Variants in BIRC2 observed in about 807,000 individuals in gnomAD.
The protein encoded by BIRC2 is baculoviral IAP repeat-containing protein 2.
In BIRC2, 18 loss-of-function variants were observed where a neutral mutation model predicts 60.9. That is an observed-to-expected ratio of 0.30 (90% CI 0.20 to 0.44). The LOEUF is 0.44. Ranked by LOEUF, BIRC2 falls within the 20% of genes least tolerant of loss-of-function variation. The probability of loss-of-function intolerance (pLI) is 1.00; values close to 1 mark genes in which losing one functional copy is unlikely to be tolerated. For missense variants in BIRC2, 701 were observed against 728.5 expected, an observed-to-expected ratio of 0.96 and a Z score of 0.43; for synonymous variants, 282 against 247.7, an observed-to-expected ratio of 1.14 and a Z score of -1.30.
chr11:102,349,025 G>C lies in BIRC2; in HGVS notation c.-830G>C, dbSNP rs1951322462. On this transcript the variant is annotated 5_prime_UTR_variant, in exon 2 of 9. Transcript: ENST00000227758. The stretch of plus-strand genomic sequence containing the variant: ...GTTTATGGAGAAAATACCTTCAGTT[G>C]ATCAAGAATAATAGTGGTATACAAA... 6.5e-6 allele frequency: 1 copy of C among 154,192 alleles called. No homozygotes were observed. The highest frequency in any genetic ancestry group is 6.5e-5 in the Admixed American group (1 of 15,292). The allele number at this position is 154,192 out of a possible 1,614,324, so 9.6% of individuals were successfully genotyped here.
In BIRC2 at chr11:102,368,448, G is replaced by A. The variant is rs748001480; in HGVS notation, c.1266G>A (p.Glu422=). ...AAAGTAAAATCCTGACAACTGGAGA[G>A]AACTATAAAACAGTTAATGATATTG... ...TVQSKILTTG[E]NYKTVNDIVS... is the part of the protein sequence containing the mutation. The change falls in exon 6 of 9, where the codon GAG becomes GAA. Residue 422 remains glutamate, a synonymous_variant. Transcript: ENST00000227758. 2.2e-5 allele frequency: 36 copies of A among 1,613,792 alleles called. No individual in the cohort carries two copies. The African/African-American group carries it at 4.4e-4, about 20-fold the overall frequency.
At chr11:102,363,796 C>A in intron 5 of BIRC2, 80 bp downstream of exon 5, 1 of 1,132,746 alleles carries the variant, frequency 8.8e-7, no homozygotes, top group Non-Finnish European at 1.3e-6. Context: ...GTGGCTCATG[C>A]CTGTAATCCC....
intron 3 of BIRC2, among the ~76,000 whole-genome samples, chr11:102,362,069 A>G (rs1228719265): frequency 2.6e-5 from 4 of 152,078 alleles, no homozygotes; most frequent in Admixed American, 1.3e-4. Context: ...TGATGATGTC[A>G]ATTTATCAAT....
chr11:102,368,270 G>A (rs768443520), intron 5 of BIRC2, 36 bp from the exon 6 acceptor site: 1 of 1,595,076 alleles, frequency 6.3e-7, no homozygotes, highest in South Asian at 1.1e-5. Context: ...GTTTATGTTT[G>A]TGGAATTTAA....
In BIRC2 at chr11:102,368,648, G is replaced by A. The variant is rs1951581243; in HGVS notation, c.1366+100G>A. ...CATGCTTGTTTCACATCCACTAACT[G>A]CTGGTAGCAGTCCTCCAGTCATTTC... On this transcript the variant is annotated intron_variant, in intron 6 of 8. Transcript: ENST00000227758. 2.0e-6 allele frequency: 3 copies of A among 1,469,646 alleles called. No homozygotes were observed. The Admixed American group carries it at 6.4e-5, about 31-fold the overall frequency. 91.0% of individuals were successfully genotyped at this position (1,469,646 alleles called of 1,614,324 possible).
At chr11:102,367,771 T>C (rs1439997483) in intron 5 of BIRC2, among the ~76,000 whole-genome samples, 8 of 152,222 alleles carry the variant, frequency 5.3e-5, no homozygotes, top group Non-Finnish European at 1.2e-4. Flanking sequence ...CTACATCTTC[T>C]GGGTGAACTG....
chr11:102,363,471 G>T (rs1951508062), intron 4 of BIRC2, among the ~76,000 whole-genome samples, 197 bp from the exon 5 acceptor site: 1 of 152,120 alleles, frequency 6.6e-6, no homozygotes, highest in African/African-American at 2.4e-5. Context: ...AGAAATACTT[G>T]ATTTCTAATT....
At chr11:102,363,842 A>T in intron 5 of BIRC2, 126 bp downstream of exon 5, 1 of 621,750 alleles carries the variant, frequency 1.6e-6, no homozygotes, top group East Asian at 3.2e-5. Flanking sequence ...AGATCACCTG[A>T]GGTCAGGAGT....
At chr11:102,351,640 AAAAAG>A (rs201617378) in intron 3 of BIRC2, among the ~76,000 whole-genome samples, 1,731 of 148,468 alleles carry the variant, frequency 0.012, 47 homozygotes, top group African/African-American at 0.041. Flanking sequence ...AAAAAAAAGA[AAAAAG>A]CATATCTGAC....
intron 3 of BIRC2, among the ~76,000 whole-genome samples, chr11:102,354,747 C>G (rs1392236529): frequency 6.6e-6 from 1 of 152,098 alleles, no homozygotes; most frequent in Non-Finnish European, 1.5e-5. Context: ...TCTTTGCCAA[C>G]TTTTGTTATT....
Position 102,377,677 on chromosome 11 carries a change from A to T in BIRC2, c.1548A>T (p.Lys516Asn). Residue 516 changes from lysine to asparagine, a missense_variant, in exon 7 of 9, where the codon AAA (lysine) becomes AAT (asparagine). By Grantham distance (94) the Lys-to-Asn change is moderately conservative. Transcript: ENST00000227758. ...ARELIDTILV[K>N]GNAAANIFKN... ...AACTGATTGATACCATTTTGGTTAA[A>T]GGAAATGCTGCGGCCAACATCTTCA... The T allele has an allele frequency of 6.2e-7, 1 of 1,611,760 alleles. No homozygotes were observed. The highest frequency in any genetic ancestry group is 8.5e-7 in the Non-Finnish European group (1 of 1,179,482).
At chr11:102,354,890 T>C (rs566443015) in intron 3 of BIRC2, among the ~76,000 whole-genome samples, 9 of 152,134 alleles carry the variant, frequency 5.9e-5, no homozygotes, top group African/African-American at 1.7e-4. Context: ...TTGTATATCT[T>C]TGGGAAAATT....
At chr11:102,353,055 T>C (rs1357007534) in intron 3 of BIRC2, among the ~76,000 whole-genome samples, 1 of 152,182 alleles carries the variant, frequency 6.6e-6, no homozygotes, top group Non-Finnish European at 1.5e-5. Context: ...TGTTTAAAAT[T>C]AAAAAGCATG....
intron 5 of BIRC2, among the ~76,000 whole-genome samples, chr11:102,367,131 C>G (rs141650674): frequency 6.6e-6 from 1 of 152,350 alleles, no homozygotes; most frequent in African/African-American, 2.4e-5. Flanking sequence ...ATGCCAAATT[C>G]CCCTCTGATG....
At position 102,350,527 on chromosome 11, in the gene BIRC2, G is replaced by A; in HGVS notation, c.673G>A (p.Gly225Arg). 6.2e-7 allele frequency: 1 copy of A among 1,614,176 alleles called. No individual in the cohort carries two copies. Among genetic ancestry groups the A allele is most frequent in the Non-Finnish European group, 8.5e-7 (1 of 1,180,032 alleles). ...GDRVACFACG[G>R]KLSNWEPKDD... ...TAGGGTAGCCTGCTTTGCCTGTGGTGGGAAGCTCAGTAACTGGGAACCAAA... is the reference window on the plus strand; with the variant it reads ...TAGGGTAGCCTGCTTTGCCTGTGGTAGGAAGCTCAGTAACTGGGAACCAAA... Residue 225 changes from glycine (G) to arginine (R), a missense_variant, in exon 2 of 9, where the codon GGG becomes AGG. By Grantham distance (125) the Gly-to-Arg change is moderately radical. Around this residue, in one of 4 missense-constraint regions of BIRC2, gnomAD observed 375 missense variants for 365.9 expected, o/e 1.02. Transcript: ENST00000227758.
In BIRC2 at chr11:102,350,973, A is replaced by G. The variant is rs1313523272; in HGVS notation, c.995+30A>G. 3.7e-6 allele frequency: 6 copies of G among 1,600,898 alleles called. No individual in the cohort carries two copies. The East Asian group carries it at 1.1e-4, about 30-fold the overall frequency. On this transcript the variant is annotated intron_variant, in intron 3 of 8. Transcript: ENST00000227758. Reference sequence around the variant, plus strand: ...TTGTTTTGAAAAAGGTATTTGTACAAAAAACTCTGTGCTTAAAAGAAGTAG... The same window carrying G: ...TTGTTTTGAAAAAGGTATTTGTACAGAAAACTCTGTGCTTAAAAGAAGTAG...
At chr11:102,359,286 T>C (rs1286696504) in intron 3 of BIRC2, among the ~76,000 whole-genome samples, 2 of 152,256 alleles carry the variant, frequency 1.3e-5, no homozygotes, top group Non-Finnish European at 2.9e-5. Flanking sequence ...ATTTGCATTT[T>C]ATATTGTGTA....
intron 3 of BIRC2, among the ~76,000 whole-genome samples, chr11:102,355,184 C>A (rs1031520837): frequency 5.9e-5 from 9 of 151,996 alleles, no homozygotes; most frequent in Non-Finnish European, 1.0e-4. Flanking sequence ...TTGCCAAGAC[C>A]AGTGCCAAGG....
chr11:102,377,793 G>T (rs1205530178), intron 7 of BIRC2, 43 bp downstream of exon 7: 14 of 1,595,482 alleles, frequency 8.8e-6, no homozygotes, highest in Non-Finnish European at 1.2e-5. Flanking sequence ...CTTAGGACTG[G>T]CCAGATGCGG....
Sources: allele counts gnomAD v4.1 joint callset (sites outside exome capture counted in the v4.1 genomes callset), GRCh38; gene constraint gnomAD v4.1.1; regional missense constraint gnomAD v4.1.1; transcripts MANE v1.5; gene names NCBI Gene and HGNC (gene_info 2026-07-23, HGNC 2026-07-21).